Variants in SRBD1 observed in about 807,000 individuals in gnomAD.
SRBD1 encodes S1 RNA-binding domain-containing protein 1.
SRBD1 carries 88 observed loss-of-function variants against 115.3 expected under a neutral mutation model. The ratio of observed to expected loss-of-function variants is 0.76; its 90% CI spans 0.64 to 0.91. The LOEUF is 0.91. Ranked by LOEUF, SRBD1 falls within the 40% of genes least tolerant of loss-of-function variation. The pLI is 0.00. For missense variants in SRBD1, 1,385 were observed against 1,177.4 expected (o/e 1.18, Z -2.58); for synonymous variants, 509 against 407.7 (o/e 1.25, Z -2.99).
At chr2:45,563,551 C>T (rs1248407589) in intron 9 of SRBD1, among the ~76,000 whole-genome samples, 2 of 151,822 alleles carry the variant, frequency 1.3e-5, no homozygotes, top group Admixed American at 6.6e-5. Context: ...AATTAACAGA[C>T]CTTTCGCTAG....
chr2:45,469,178 A>G (rs1319597129), intron 16 of SRBD1, among the ~76,000 whole-genome samples: 1 of 152,028 alleles, frequency 6.6e-6, no homozygotes, highest in African/African-American at 2.4e-5. Context: ...TTGTTTTCTG[A>G]CTGAGAGATG....
intron 14 of SRBD1, among the ~76,000 whole-genome samples, chr2:45,508,375 A>G (rs1398279022): frequency 1.3e-5 from 2 of 152,186 alleles, no homozygotes; most frequent in Admixed American, 1.3e-4. Context: ...AACTATACAC[A>G]ATGGCTGAAG....
intron 14 of SRBD1, among the ~76,000 whole-genome samples, chr2:45,498,869 A>G (rs1670541978): frequency 6.6e-6 from 1 of 152,154 alleles, no homozygotes. Flanking sequence ...GTGTATACAT[A>G]CCACATTTTC....
intron 16 of SRBD1, among the ~76,000 whole-genome samples, chr2:45,456,512 G>A (rs1386764359): frequency 6.6e-6 from 1 of 151,856 alleles, no homozygotes; most frequent in Non-Finnish European, 1.5e-5. Context: ...AATGGCTACT[G>A]TCATATAACC....
rs1412949012 is a variant in SRBD1, at chr2:45,389,100, T to C, written c.*210A>G. 3.3e-6 allele frequency: 2 copies of C among 605,720 alleles called. No homozygotes were observed. The highest frequency in any genetic ancestry group is 5.6e-6 in the Non-Finnish European group (2 of 357,910). 37.5% of individuals were successfully genotyped at this position (605,720 alleles called of 1,614,324 possible). On this transcript the variant is annotated 3_prime_UTR_variant, in exon 21 of 21. Coordinates refer to ENST00000263736, the MANE Select transcript of SRBD1 (RefSeq NM_018079.5). ...CTACATAAAGCCATATAAGAATGTG[T>C]ATTAGTTGTTTCCTTTAAGGGAAAA...
At chr2:45,538,042 T>G (rs1440582824) in intron 14 of SRBD1, among the ~76,000 whole-genome samples, 2 of 152,164 alleles carry the variant, frequency 1.3e-5, no homozygotes, top group African/African-American at 2.4e-5. Context: ...TATGGTAGGC[T>G]TTCAACAGAT....
chr2:45,418,312 C>T (rs780131303), intron 18 of SRBD1, 53 bp downstream of exon 18: 7 of 1,581,488 alleles, frequency 4.4e-6, no homozygotes, highest in African/African-American at 2.7e-5. Flanking sequence ...GGATAGGTAA[C>T]AGTAACAAGA....
intron 4 of SRBD1, among the ~76,000 whole-genome samples, chr2:45,591,704 C>T (rs916896034): frequency 6.6e-6 from 1 of 152,202 alleles, no homozygotes; most frequent in Admixed American, 6.5e-5. Context: ...GAGAGCCCCC[C>T]TCCCCAACTA....
At chr2:45,509,321 G>C (rs1670891119) in intron 14 of SRBD1, among the ~76,000 whole-genome samples, 1 of 151,600 alleles carries the variant, frequency 6.6e-6, no homozygotes, top group African/African-American at 2.4e-5. Context: ...ACAAGGCAGG[G>C]CATGGTGGCT....
Position 45,504,638 on chromosome 2 carries a change from G to C in SRBD1, c.1875-16307C>G, listed in dbSNP as rs1304880905. On this transcript the variant is annotated intron_variant, in intron 14 of 20. Coordinates refer to ENST00000263736, the MANE Select transcript of SRBD1 (RefSeq NM_018079.5). Reference sequence around the variant, plus strand: ...ACCAATTTCCTTCCTTAAACAGGTAGCTATCAATTACTAGAAGGCAAAAAC... The same window carrying C: ...ACCAATTTCCTTCCTTAAACAGGTACCTATCAATTACTAGAAGGCAAAAAC... 3.3e-5 allele frequency among the ~76,000 whole-genome samples: 5 copies of C among 152,198 alleles called. No homozygotes were observed. In the South Asian group the frequency reaches 1.0e-3, roughly 32 times the overall value.
intron 9 of SRBD1, among the ~76,000 whole-genome samples, chr2:45,564,176 A>G (rs1672754957): frequency 6.6e-6 from 1 of 152,236 alleles, no homozygotes; most frequent in African/African-American, 2.4e-5. Flanking sequence ...TTATATCAAT[A>G]GAATAAATAA....
At chr2:45,435,766 C>T (rs992228149) in intron 16 of SRBD1, among the ~76,000 whole-genome samples, 2 of 152,106 alleles carry the variant, frequency 1.3e-5, no homozygotes, top group Non-Finnish European at 2.9e-5. Context: ...ACACTACCCC[C>T]ACCCTAACAA....
At chr2:45,532,292 A>G (rs927384418) in intron 14 of SRBD1, among the ~76,000 whole-genome samples, 16 of 151,902 alleles carry the variant, frequency 1.1e-4, no homozygotes, top group African/African-American at 3.9e-4. Flanking sequence ...TTTGACAGAC[A>G]GTGTTAAATA....
chr2:45,460,419 C>G (rs1669278018), intron 16 of SRBD1, among the ~76,000 whole-genome samples: 2 of 152,112 alleles, frequency 1.3e-5, no homozygotes, highest in African/African-American at 4.8e-5. Flanking sequence ...GAACAAACCA[C>G]CTCTTCAAAA....
chr2:45,465,562 T>C lies in SRBD1; in HGVS notation c.2049+11431A>G, dbSNP rs1388693830. Among the ~76,000 whole-genome samples, 6 of 152,244 alleles carry C rather than the reference T, an allele frequency of 3.9e-5. No individual in the cohort carries two copies. The East Asian group carries it at 1.2e-3, about 29-fold the overall frequency. On this transcript the variant is annotated intron_variant, in intron 16 of 20. Coordinates refer to ENST00000263736, the MANE Select transcript of SRBD1 (RefSeq NM_018079.5). ...CTTGAACATAAAGGACTTAACACTT[T>C]TAATGATCAAAGTATAAGACTGGAA... is the stretch of plus-strand genomic sequence containing the variant.
At chr2:45,584,711 A>G (rs1013786748) in intron 5 of SRBD1, among the ~76,000 whole-genome samples, 2 of 152,194 alleles carry the variant, frequency 1.3e-5, no homozygotes, top group African/African-American at 2.4e-5. Context: ...ATCGAATAAT[A>G]TGGTCAGTCT....
At chr2:45,410,206 C>G (rs1667558083) in intron 19 of SRBD1, among the ~76,000 whole-genome samples, 1 of 152,162 alleles carries the variant, frequency 6.6e-6, no homozygotes, top group Non-Finnish European at 1.5e-5. Flanking sequence ...TCTTTCCACA[C>G]ACATTAGAAT....
intron 16 of SRBD1, among the ~76,000 whole-genome samples, chr2:45,471,115 C>G (rs1277341435): frequency 6.6e-6 from 1 of 152,106 alleles, no homozygotes; most frequent in Non-Finnish European, 1.5e-5. Context: ...AAAATAAATT[C>G]AGTCCCACTC....
intron 16 of SRBD1, among the ~76,000 whole-genome samples, chr2:45,442,460 T>C (rs371370252): frequency 6.6e-6 from 1 of 152,200 alleles, no homozygotes; most frequent in East Asian, 1.9e-4. Flanking sequence ...CCACACCCAT[T>C]TGACCCACAG....
Sources: allele counts gnomAD v4.1 joint callset (sites outside exome capture counted in the v4.1 genomes callset), GRCh38; gene constraint gnomAD v4.1.1; transcripts MANE v1.5; gene names NCBI Gene and HGNC (gene_info 2026-07-23, HGNC 2026-07-21).